AGBL1: variants seen among roughly 807,000 people sequenced by gnomAD.
AGBL1 encodes the protein AGBL carboxypeptidase 1.
AGBL1 carries 130 observed loss-of-function variants against 118.9 expected under a neutral mutation model. The observed-to-expected ratio is 1.09, with a 90% CI of 0.95 to 1.26. AGBL1 has a LOEUF of 1.26. Among genes scored for constraint, AGBL1 ranks in the 50% most tolerant of loss-of-function variants. The pLI is 0.00. For missense variants in AGBL1, 1,584 were observed against 1,298.1 expected (o/e 1.22, Z -3.38); for synonymous variants, 555 against 478.9 (o/e 1.16, Z -2.08).
chr15:86,746,066 A>G (rs1033618085), intron 22 of AGBL1, among the ~76,000 whole-genome samples: 1 of 152,032 alleles, frequency 6.6e-6, no homozygotes, highest in African/African-American at 2.4e-5. Flanking sequence ...CCTCTCACCT[A>G]GTACTTCATC....
intron 23 of AGBL1, among the ~76,000 whole-genome samples, chr15:86,969,435 C>A (rs56039722): frequency 0.042 from 6,358 of 152,104 alleles, 165 homozygotes; most frequent in Middle Eastern, 0.071. Flanking sequence ...GGAAGTGGAA[C>A]ACCTTAAGTC....
Position 87,009,114 on chromosome 15 carries a change from G to A in AGBL1, c.3324-19711G>A, listed in dbSNP as rs541073711. ...GACAATGGGGGAAAATGTCTCCAGGGCATATCAGAGACCTCTGCAGCAGCC... is the reference window on the plus strand; with the variant it reads ...GACAATGGGGGAAAATGTCTCCAGGACATATCAGAGACCTCTGCAGCAGCC... On this transcript the variant is annotated intron_variant, in intron 24 of 24. Transcript: ENST00000441037. Among the ~76,000 whole-genome samples, 13 of 152,226 alleles carry A rather than the reference G, an allele frequency of 8.5e-5. No homozygotes were observed. In the South Asian group the frequency reaches 2.7e-3, roughly 32 times the overall value.
At chr15:86,702,799 C>T (rs1340831533) in intron 22 of AGBL1, among the ~76,000 whole-genome samples, 1 of 151,978 alleles carries the variant, frequency 6.6e-6, no homozygotes, top group Non-Finnish European at 1.5e-5. Flanking sequence ...CTGGTGTTTC[C>T]AGGAGTTTCT....
intron 22 of AGBL1, among the ~76,000 whole-genome samples, chr15:86,755,769 A>G (rs1363686407): frequency 3.3e-5 from 5 of 152,028 alleles, no homozygotes; most frequent in East Asian, 3.9e-4. Flanking sequence ...ATTCTTTCCT[A>G]TTAGACAAGG....
intron 4 of AGBL1, among the ~76,000 whole-genome samples, chr15:86,156,460 TA>T (rs1317224400): frequency 6.6e-6 from 1 of 152,150 alleles, no homozygotes; most frequent in African/African-American, 2.4e-5. Flanking sequence ...GTTCCCTCTC[TA>T]AAGGCCCTAT....
At chr15:86,201,642 A>G (rs2077908908) in intron 5 of AGBL1, among the ~76,000 whole-genome samples, 1 of 152,246 alleles carries the variant, frequency 6.6e-6, no homozygotes, top group African/African-American at 2.4e-5. Flanking sequence ...CCTCTACCTC[A>G]CCATGGTGCA....
intron 1 of AGBL1, among the ~76,000 whole-genome samples, chr15:86,117,746 T>G (rs1897851984): frequency 6.6e-6 from 1 of 152,086 alleles, no homozygotes; most frequent in African/African-American, 2.4e-5. Context: ...TTTTTCTGGG[T>G]TTTCACAGAA....
chr15:86,791,635 C>G (rs1375367643), intron 22 of AGBL1, among the ~76,000 whole-genome samples: 3 of 151,844 alleles, frequency 2.0e-5, no homozygotes, highest in Non-Finnish European at 4.4e-5. Context: ...TCTTGGGTAT[C>G]TAAATCTTTA....
At chr15:86,777,515 A>G (rs12898256) in intron 22 of AGBL1, among the ~76,000 whole-genome samples, 54,014 of 151,844 alleles carry the variant, frequency 0.36, 11,287 homozygotes, top group South Asian at 0.48. Context: ...AAAGTTCATG[A>G]AAGATCTTTT....
intron 18 of AGBL1, among the ~76,000 whole-genome samples, chr15:86,406,156 A>G (rs567096803): frequency 3.7e-4 from 57 of 152,336 alleles, no homozygotes; most frequent in Non-Finnish European, 5.7e-4. Context: ...ATTTGATTGC[A>G]GCTGCTCTGG....
intron 1 of AGBL1, among the ~76,000 whole-genome samples, chr15:86,085,246 G>A (rs547185768): frequency 5.9e-5 from 9 of 152,346 alleles, no homozygotes; most frequent in African/African-American, 2.2e-4. Flanking sequence ...AATTTCAGCA[G>A]GGGGAGGTAC....
intron 22 of AGBL1, among the ~76,000 whole-genome samples, chr15:86,780,704 C>T (rs1180553267): frequency 1.1e-4 from 16 of 151,170 alleles, no homozygotes; most frequent in Non-Finnish European, 1.8e-4. Flanking sequence ...CTCTGTCGCC[C>T]AGGCTGGAGC....
chr15:86,185,945 A>G (rs1202199834), intron 5 of AGBL1, among the ~76,000 whole-genome samples: 7 of 152,196 alleles, frequency 4.6e-5, no homozygotes. Flanking sequence ...AGGGGATTCT[A>G]AAATAAAAAT....
intron 17 of AGBL1, among the ~76,000 whole-genome samples, chr15:86,365,001 A>ATATG (rs1555472719): frequency 0.013 from 1,681 of 131,540 alleles, 74 homozygotes; most frequent in Non-Finnish European, 0.016. Flanking sequence ...ACACACACAT[A>ATATG]TATATATACA....
intron 15 of AGBL1, among the ~76,000 whole-genome samples, chr15:86,272,814 T>C (rs1236239909): frequency 1.3e-5 from 2 of 152,186 alleles, no homozygotes; most frequent in African/African-American, 2.4e-5. Flanking sequence ...TTTTTTTATA[T>C]CCTTTAGAAA....
chr15:86,691,231 C>A lies in AGBL1; in HGVS notation c.3158+16795C>A, dbSNP rs141464801. 2.5e-3 allele frequency among the ~76,000 whole-genome samples: 373 copies of A among 152,156 alleles called. 1 individual carries two copies. Among genetic ancestry groups the A allele is most frequent in the African/African-American group, 8.4e-3 (349 of 41,532 alleles). ...GAACATTTTGGCTAAAGTTTGCAAG[C>A]AAAACACAAGGCTAATTATAAAATA... On this transcript the variant is annotated intron_variant, in intron 22 of 22. Transcript: ENST00000614907.
chr15:86,351,457 C>T (rs557347392), intron 17 of AGBL1, among the ~76,000 whole-genome samples: 17 of 152,224 alleles, frequency 1.1e-4, no homozygotes, highest in African/African-American at 3.9e-4. Context: ...GTCAGAAGCC[C>T]ACATGAAGAG....
intron 22 of AGBL1, among the ~76,000 whole-genome samples, chr15:86,893,595 G>C (rs1175263574): frequency 6.6e-6 from 1 of 152,126 alleles, no homozygotes; most frequent in Non-Finnish European, 1.5e-5. Context: ...TGCTGTATAG[G>C]CTGGCTTGGA....
chr15:86,711,071 C>G (rs193051214), intron 22 of AGBL1, among the ~76,000 whole-genome samples: 8 of 152,244 alleles, frequency 5.3e-5, no homozygotes, highest in African/African-American at 1.7e-4. Flanking sequence ...ACATAGGACT[C>G]TAGGGAGTTT....
Sources: allele counts gnomAD v4.1 joint callset (sites outside exome capture counted in the v4.1 genomes callset), GRCh38; gene constraint gnomAD v4.1.1; transcripts MANE v1.5; gene names NCBI Gene and HGNC (gene_info 2026-07-23, HGNC 2026-07-21).